The following ARFGEF3 variants were observed in gnomAD, a reference collection of about 807,000 sequenced individuals.
ARFGEF3 encodes the protein ARFGEF family member 3, also known as brefeldin A-inhibited guanine nucleotide-exchange protein 3.
In ARFGEF3, 96 loss-of-function variants were observed where a neutral mutation model predicts 221.7. The ratio of observed to expected loss-of-function variants is 0.43; its 90% confidence interval spans 0.37 to 0.51. The LOEUF (loss-of-function observed/expected upper bound fraction) is 0.51. Ranked by LOEUF, ARFGEF3 falls within the 20% of genes least tolerant of loss-of-function variation. The pLI, the probability that ARFGEF3 is intolerant of heterozygous loss-of-function variation, is 0.00. For synonymous variants in ARFGEF3, 1,145 were observed against 1,126.8 expected (o/e 1.02, Z -0.32); for missense variants, 2,410 against 2,789.9 (o/e 0.86, Z 3.07).
chr6:138,170,818 A>G (rs542306701), intron 2 of ARFGEF3, 105 bp downstream of exon 2: 11 of 707,224 alleles, frequency 1.6e-5, no homozygotes, highest in South Asian at 1.3e-4. Flanking sequence ...TTGTGCTGCT[A>G]TAACAGAATA....
At position 138,334,243 on chromosome 6, in the gene ARFGEF3, C is replaced by T. The variant is rs753592822; in HGVS notation, c.5397C>T (p.Gly1799=). 1.9e-6 allele frequency: 3 copies of T among 1,613,552 alleles called. No individual in the cohort carries two copies. Among genetic ancestry groups the T allele is most frequent in the Admixed American group, 1.7e-5 (1 of 59,968 alleles). ...GLKCLLKKVS[G]IGGAANLYRQ... is the part of the protein sequence containing the mutation. ...AGTGCCTGCTGAAGAAAGTGTCTGG[C>T]ATCGGGGGCGCCGCCAACCTCTACC... Residue 1799 remains glycine (G), a synonymous_variant, in exon 33 of 34, where the codon GGC becomes GGT. Coordinates refer to ENST00000251691, the MANE Select transcript of ARFGEF3 (RefSeq NM_020340.5). This position sits in a 1 kb window ranked among gnomAD's most constrained non-coding sequence, Gnocchi z 5.1.
intron 12 of ARFGEF3, among the ~76,000 whole-genome samples, chr6:138,270,581 C>A (rs1164206177): frequency 6.6e-6 from 1 of 152,134 alleles, no homozygotes; most frequent in African/African-American, 2.4e-5. Flanking sequence ...CATTGCCTAC[C>A]TGTAATGTAA....
rs927198221 is a variant in ARFGEF3, at chr6:138,254,890, G to A, written c.771-546G>A. On this transcript the variant is annotated intron_variant, in intron 9 of 33. Transcript: ENST00000251691. ...GAAAATTTTTCTGTGTTTTCAGCTC[G>A]TTCAAAAAGCATGTAACTTATGCAG... 4.6e-5 allele frequency among the ~76,000 whole-genome samples: 7 copies of A among 152,246 alleles called. No individual in the cohort carries two copies. The South Asian group carries it at 6.2e-4, about 14-fold the overall frequency.
Position 138,255,689 on chromosome 6 carries a change from G to A in ARFGEF3, c.1024G>A (p.Val342Met), listed in dbSNP as rs141449825. 195 of 1,612,898 alleles carry A rather than the reference G, an allele frequency of 1.2e-4. 3 individuals are homozygous for A. The highest frequency in any genetic ancestry group is 7.4e-4 in the South Asian group (67 of 90,878). Residue 342 changes from valine to methionine, a missense_variant, in exon 10 of 34, where the codon GTG (valine) becomes ATG (methionine). Val to Met is a conservative substitution (Grantham distance 21). Around this residue, in one of 5 missense-constraint regions of ARFGEF3, gnomAD observed 570 missense variants for 586.9 expected, o/e 0.97. Transcript: ENST00000251691. ...GGGGTCTGTGGACTCCATGAAGCCC[G>A]TGCTCCAGTCCCTCTACCACCGAGT... ...LVGSVDSMKP[V>M]LQSLYHRVLL...
At chr6:138,165,485 G>T (rs2114418907) in intron 1 of ARFGEF3, among the ~76,000 whole-genome samples, 1 of 150,858 alleles carries the variant, frequency 6.6e-6, no homozygotes, top group East Asian at 2.0e-4. Context: ...TGGGAGAGAG[G>T]GGGTCATCCC....
At position 138,248,821 on chromosome 6, in the gene ARFGEF3, G is replaced by GAAAT. The variant is rs541410030; in HGVS notation, c.665+3246_665+3249dup. The stretch of plus-strand genomic sequence containing the variant: ...GCCTAGGCAACAAGAGCAAAACTCC[G>GAAAT]AAATAAATAAATAAATAAAATAAAT... On this transcript the variant is annotated intron_variant, in intron 8 of 33. Coordinates refer to ENST00000251691, the MANE Select transcript of ARFGEF3 (RefSeq NM_020340.5). 3.7e-3 allele frequency among the ~76,000 whole-genome samples: 563 copies of GAAAT among 152,126 alleles called. 3 individuals are homozygous for GAAAT. Among genetic ancestry groups the GAAAT allele is most frequent in the African/African-American group, 0.013 (531 of 41,492 alleles).
At chr6:138,204,369 T>C (rs7765779) in intron 2 of ARFGEF3, among the ~76,000 whole-genome samples, 22,650 of 149,274 alleles carry the variant, frequency 0.15, 3,847 homozygotes, top group African/African-American at 0.42. Flanking sequence ...AAAAAAGATT[T>C]GATTTGCCTA....
At chr6:138,213,641 C>T (rs749573496) in intron 4 of ARFGEF3, among the ~76,000 whole-genome samples, 4 of 151,430 alleles carry the variant, frequency 2.6e-5, no homozygotes, top group East Asian at 1.9e-4. Context: ...GTTGATCTCA[C>T]GGAAGTAGAG....
chr6:138,344,216 C>T lies in ARFGEF3; in HGVS notation c.*7730C>T, dbSNP rs553717707. On this transcript the variant is annotated 3_prime_UTR_variant, in exon 34 of 34. Transcript: ENST00000251691. ...CATTGAAGATTATAAATAAATGAAG[C>T]TTGTTATAGCCATAATGATTTGAGT... 13 of 152,128 alleles carry T rather than the reference C, an allele frequency of 8.5e-5. No homozygotes were observed. In the South Asian group the frequency reaches 2.7e-3, roughly 32 times the overall value. The allele number at this position is 152,128 out of a possible 1,614,324, so 9.4% of individuals were successfully genotyped here.
intron 2 of ARFGEF3, among the ~76,000 whole-genome samples, chr6:138,204,510 T>C (rs1448062197): frequency 6.6e-6 from 1 of 152,168 alleles, no homozygotes. Flanking sequence ...CATAGTCACA[T>C]TCATTGATTT....
chr6:138,303,667 G>C (rs1395987143), intron 22 of ARFGEF3, among the ~76,000 whole-genome samples: 2 of 151,788 alleles, frequency 1.3e-5, no homozygotes, highest in Non-Finnish European at 2.9e-5. Flanking sequence ...GCTGCGTGTG[G>C]TGGCGCACGC....
intron 2 of ARFGEF3, among the ~76,000 whole-genome samples, chr6:138,178,825 C>T (rs1444555609): frequency 2.0e-5 from 3 of 152,184 alleles, no homozygotes; most frequent in African/African-American, 2.4e-5. Context: ...TAATATCTTA[C>T]TGACTGAGAA....
chr6:138,284,991 T>C (rs898535432), intron 14 of ARFGEF3, among the ~76,000 whole-genome samples: 2 of 152,228 alleles, frequency 1.3e-5, no homozygotes, highest in African/African-American at 4.8e-5. Context: ...AAGTATGCTA[T>C]TATAATCTTA....
intron 10 of ARFGEF3, among the ~76,000 whole-genome samples, chr6:138,259,540 A>G (rs949176732): frequency 2.6e-5 from 4 of 152,192 alleles, no homozygotes; most frequent in Non-Finnish European, 4.4e-5. Flanking sequence ...GCTGAGATTA[A>G]AACATCTTTC....
At chr6:138,289,181 A>G (rs936505603) in intron 17 of ARFGEF3, among the ~76,000 whole-genome samples, 4 of 152,154 alleles carry the variant, frequency 2.6e-5, no homozygotes, top group African/African-American at 9.7e-5. Flanking sequence ...TCGAACTCCC[A>G]ACCTCTGGTG....
chr6:138,293,825 G>T (rs923295311), intron 19 of ARFGEF3, among the ~76,000 whole-genome samples, 168 bp from the exon 20 acceptor site: 26 of 151,922 alleles, frequency 1.7e-4, no homozygotes, highest in African/African-American at 6.0e-4. Context: ...CTCACAGTTA[G>T]AGCAGACTTG....
In ARFGEF3 at chr6:138,168,720, G is replaced by A. The variant is rs72986838; in HGVS notation, c.86-1942G>A. ...TTCAAACTTATTATTCCCTCCACTCGGAGTGACCTCTCCTTATCTACTTTA... is the reference window on the plus strand; with the variant it reads ...TTCAAACTTATTATTCCCTCCACTCAGAGTGACCTCTCCTTATCTACTTTA... On this transcript the variant is annotated intron_variant, in intron 1 of 33. Coordinates refer to ENST00000251691, the MANE Select transcript of ARFGEF3 (RefSeq NM_020340.5). 2.1e-4 allele frequency among the ~76,000 whole-genome samples: 32 copies of A among 152,266 alleles called. 1 individual carries two copies. Among genetic ancestry groups the A allele is most frequent in the African/African-American group, 6.3e-4 (26 of 41,556 alleles).
In ARFGEF3 at chr6:138,332,047, C is replaced by G. The variant is rs996247862; in HGVS notation, c.5124-1923C>G. Among the ~76,000 whole-genome samples the G allele has an allele frequency of 2.6e-5, 4 of 152,064 alleles. No homozygotes were observed. The South Asian group carries it at 8.3e-4, about 32-fold the overall frequency. ...AAGATATTCCACAATTCAGACATGG[C>G]TTTGCATTGGCCTGACTTTAGGTGT... On this transcript the variant is annotated intron_variant, in intron 32 of 33. Transcript: ENST00000251691.
rs779189733 is a variant in ARFGEF3, at chr6:138,313,852, G to A, written c.4258G>A (p.Ala1420Thr). ...LKPIFLSGRL[A>T]GLPRRLQEQS... The stretch of plus-strand genomic sequence containing the variant: ...GCCAATATTCCTTAGTGGGAGACTT[G>A]CCGGCTTGCCTCGAAGACTTCAGGA... Residue 1420 changes from alanine to threonine, a missense_variant, in exon 26 of 34, where the codon GCC becomes ACC. Coordinates refer to ENST00000251691, the MANE Select transcript of ARFGEF3 (RefSeq NM_020340.5). The A allele has an allele frequency of 6.2e-7, 1 of 1,613,972 alleles. No individual in the cohort carries two copies. Among genetic ancestry groups the A allele is most frequent in the Admixed American group, 1.7e-5 (1 of 60,024 alleles).
Sources: gnomAD v4.1 joint callset for allele counts (sites outside exome capture counted in the v4.1 genomes callset) on GRCh38, gnomAD v4.1.1 for gene constraint, gnomAD v4.1.1 regional missense constraint, Gnocchi (gnomAD v3.1) non-coding constraint, MANE v1.5 for transcripts, NCBI Gene and HGNC (gene_info 2026-07-23, HGNC 2026-07-21) for gene names.